The following CEP128 variants were observed in gnomAD, a reference collection of about 807,000 sequenced individuals.
CEP128 encodes centrosomal protein 128kDa.
A neutral mutation model predicts 156.7 loss-of-function variants in CEP128; 132 were observed. That is an observed-to-expected ratio of 0.84 (90% confidence interval 0.73 to 0.97). CEP128 has a LOEUF of 0.97. Ranked by LOEUF, CEP128 falls within the 50% of genes least tolerant of loss-of-function variation. CEP128 has a pLI of 0.00. For synonymous variants in CEP128, 469 were observed against 448.9 expected, an observed-to-expected ratio of 1.04 and a Z score of -0.57; for missense variants, 1,252 against 1,281.9, an observed-to-expected ratio of 0.98 and a Z score of 0.36.
chr14:80,763,246 T>C (rs1019029438), intron 16 of CEP128, among the ~76,000 whole-genome samples: 7 of 152,192 alleles, frequency 4.6e-5, no homozygotes, highest in Non-Finnish European at 2.9e-5. Context: ...TTCATTCTTC[T>C]AGGTAGTATT....
At chr14:80,492,154 A>G (rs571040935), downstream of CEP128, among the ~76,000 whole-genome samples, 8 of 152,340 alleles carry the variant, frequency 5.3e-5, no homozygotes, top group African/African-American at 1.4e-4. Context: ...ACAGATGTGC[A>G]ACTGGACACA....
intron 15 of CEP128, among the ~76,000 whole-genome samples, chr14:80,779,235 T>C (rs1275252565): frequency 1.3e-5 from 2 of 152,208 alleles, no homozygotes; most frequent in African/African-American, 4.8e-5. Context: ...GTTTATCATA[T>C]GAGTTTAATT....
At chr14:80,559,234 C>T (rs1344372554) in intron 21 of CEP128, 45 bp downstream of exon 21, 1 of 1,538,052 alleles carries the variant, frequency 6.5e-7, no homozygotes, top group Non-Finnish European at 9.0e-7. Context: ...CATCAGGAGA[C>T]AGCAGTAATT....
intron 2 of CEP128, among the ~76,000 whole-genome samples, chr14:80,937,700 T>C (rs928686662): frequency 2.0e-5 from 3 of 152,140 alleles, no homozygotes; most frequent in African/African-American, 7.2e-5. Context: ...TACTATACAA[T>C]AGTATGAATG....
intron 23 of CEP128, among the ~76,000 whole-genome samples, chr14:80,506,651 G>T (rs1422712441): frequency 1.3e-5 from 2 of 152,060 alleles, no homozygotes; most frequent in East Asian, 3.9e-4. Context: ...ACCATCTGAT[G>T]AATTAGCCAT....
chr14:80,533,506 T>C (rs1196037114), intron 21 of CEP128, among the ~76,000 whole-genome samples: 2 of 152,182 alleles, frequency 1.3e-5, no homozygotes, highest in African/African-American at 2.4e-5. Flanking sequence ...GGCGACTACA[T>C]GAAACCATTC....
chr14:80,719,022 G>C (rs189234405), intron 19 of CEP128, among the ~76,000 whole-genome samples: 65 of 152,236 alleles, frequency 4.3e-4, no homozygotes, highest in Admixed American at 3.5e-3. Context: ...GTCAGGATTT[G>C]GTAAAGTGAG....
intron 19 of CEP128, among the ~76,000 whole-genome samples, chr14:80,596,842 A>AAGAAGG (rs1555379468): frequency 1.4e-5 from 1 of 69,832 alleles, no homozygotes; most frequent in Admixed American, 1.9e-4. Context: ...AAAAAAAAAA[A>AAGAAGG]GGTGGGGGGG....
At chr14:80,823,663 C>T (rs1885314998) in intron 13 of CEP128, among the ~76,000 whole-genome samples, 1 of 152,142 alleles carries the variant, frequency 6.6e-6, no homozygotes, top group African/African-American at 2.4e-5. Flanking sequence ...ACAACCAGGT[C>T]ATGCTGATGC....
intron 21 of CEP128, among the ~76,000 whole-genome samples, chr14:80,536,837 T>C (rs1469523982): frequency 2.0e-5 from 3 of 152,206 alleles, no homozygotes; most frequent in Non-Finnish European, 4.4e-5. Context: ...GAGTCCTCTA[T>C]TTCTAGACTG....
chr14:80,792,169 A>G (rs1157254850), intron 14 of CEP128, among the ~76,000 whole-genome samples: 7 of 152,244 alleles, frequency 4.6e-5, no homozygotes, highest in Non-Finnish European at 7.3e-5. Context: ...GCATACATAT[A>G]TCAGTGAAAT....
chr14:80,571,127 T>C (rs1473201732), intron 20 of CEP128, among the ~76,000 whole-genome samples: 1 of 152,166 alleles, frequency 6.6e-6, no homozygotes, highest in East Asian at 1.9e-4. Context: ...AGACCTAAAC[T>C]TAATTAGCTG....
At chr14:80,762,928 G>A (rs936048088) in intron 16 of CEP128, among the ~76,000 whole-genome samples, 1 of 152,172 alleles carries the variant, frequency 6.6e-6, no homozygotes, top group African/African-American at 2.4e-5. Flanking sequence ...CAGCAGCAGA[G>A]TAACATTAAG....
chr14:80,534,824 CAAAAAAAAAA>C (rs371773612), intron 21 of CEP128, among the ~76,000 whole-genome samples: 4 of 60,134 alleles, frequency 6.7e-5, no homozygotes, highest in Non-Finnish European at 1.2e-4. Context: ...GATTCCGTCT[CAAAAAAAAAA>C]AAAAAAAAAA....
chr14:80,524,934 C>A (rs1888911710), intron 23 of CEP128, among the ~76,000 whole-genome samples: 3 of 152,174 alleles, frequency 2.0e-5, no homozygotes, highest in Admixed American at 1.3e-4. Flanking sequence ...CCCTCTTCAG[C>A]TGCAAATGCA....
chr14:80,903,025 G>C (rs1883671036), intron 6 of CEP128, among the ~76,000 whole-genome samples: 1 of 151,972 alleles, frequency 6.6e-6, no homozygotes, highest in African/African-American at 2.4e-5. Flanking sequence ...CATTCATATA[G>C]AATGACAAAA....
chr14:80,768,370 T>A (rs1459963268), intron 16 of CEP128, among the ~76,000 whole-genome samples: 1 of 152,200 alleles, frequency 6.6e-6, no homozygotes. Flanking sequence ...GCTGATGAAC[T>A]AAATATGGGT....
chr14:80,933,115 G>C (rs1226532118), intron 2 of CEP128, among the ~76,000 whole-genome samples: 1 of 152,044 alleles, frequency 6.6e-6, no homozygotes. Context: ...GAATCTGACA[G>C]ACAACCTCAC....
chr14:80,659,357 C>A (rs567313692), intron 19 of CEP128, among the ~76,000 whole-genome samples: 1 of 152,210 alleles, frequency 6.6e-6, no homozygotes, highest in African/African-American at 2.4e-5. Flanking sequence ...ATCCTTATTA[C>A]CTGCTTAAAG....
Sources: allele counts gnomAD v4.1 joint callset (sites outside exome capture counted in the v4.1 genomes callset), GRCh38; gene constraint gnomAD v4.1.1; transcripts MANE v1.5; gene names NCBI Gene and HGNC (gene_info 2026-07-23, HGNC 2026-07-21).